Variants in PXDNL observed in about 807,000 individuals in gnomAD.
PXDNL encodes probable oxidoreductase PXDNL.
Under a neutral mutation model 150.8 loss-of-function variants are expected in PXDNL, and 145 were observed. The observed-to-expected ratio is 0.96, with a 90% CI of 0.84 to 1.10. The LOEUF is 1.10. Ranked by LOEUF, PXDNL falls within the 50% of genes least tolerant of loss-of-function variation. PXDNL has a pLI of 0.00. For synonymous variants in PXDNL, 757 were observed against 725.7 expected, an observed-to-expected ratio of 1.04 and a Z score of -0.69; for missense variants, 2,087 against 1,873.9, an observed-to-expected ratio of 1.11 and a Z score of -2.10.
intron 19 of PXDNL, among the ~76,000 whole-genome samples, chr8:51,360,106 A>T (rs1806671523): frequency 6.6e-6 from 1 of 150,910 alleles, no homozygotes; most frequent in South Asian, 2.1e-4. Flanking sequence ...ATATGCACAC[A>T]CCTATACATG....
At chr8:51,658,187 C>T (rs888266391) in intron 1 of PXDNL, among the ~76,000 whole-genome samples, 2 of 151,552 alleles carry the variant, frequency 1.3e-5, no homozygotes, top group Non-Finnish European at 2.9e-5. Flanking sequence ...ACAAAAAATA[C>T]AAAAATTAGC....
chr8:51,330,804 C>T (rs1419147741), intron 21 of PXDNL, among the ~76,000 whole-genome samples: 1 of 152,134 alleles, frequency 6.6e-6, no homozygotes, highest in African/African-American at 2.4e-5. Context: ...AGTCTTAATC[C>T]ATTCCAAGCC....
At chr8:51,524,957 C>T (rs574536718) in intron 4 of PXDNL, among the ~76,000 whole-genome samples, 37 of 152,352 alleles carry the variant, frequency 2.4e-4, no homozygotes, top group Non-Finnish European at 4.4e-4. Flanking sequence ...AAACTGTTGA[C>T]TCATACACCC....
At chr8:51,781,315 T>C (rs1248358068) in intron 1 of PXDNL, among the ~76,000 whole-genome samples, 2 of 150,480 alleles carry the variant, frequency 1.3e-5, no homozygotes, top group African/African-American at 4.9e-5. Context: ...TTGGCGCACA[T>C]GCATGCATGT....
intron 21 of PXDNL, among the ~76,000 whole-genome samples, chr8:51,324,442 T>C (rs1006988779): frequency 6.6e-6 from 1 of 152,242 alleles, no homozygotes; most frequent in Non-Finnish European, 1.5e-5. Context: ...TTTGCTGCTT[T>C]CAAAATGTTT....
chr8:51,632,008 T>C (rs537020094), intron 2 of PXDNL, among the ~76,000 whole-genome samples: 1 of 152,266 alleles, frequency 6.6e-6, no homozygotes, highest in South Asian at 2.1e-4. Context: ...CCAGTAATTA[T>C]TTTTAATATA....
At chr8:51,451,055 G>T (rs76000226) in intron 10 of PXDNL, among the ~76,000 whole-genome samples, 7 of 151,826 alleles carry the variant, frequency 4.6e-5, no homozygotes, top group Non-Finnish European at 1.0e-4. Context: ...ATGTAGTCCT[G>T]GTTCTAGTGT....
intron 17 of PXDNL, among the ~76,000 whole-genome samples, chr8:51,399,283 AGAGT>A (rs1808176945): frequency 6.6e-6 from 1 of 152,216 alleles, no homozygotes; most frequent in East Asian, 1.9e-4. Flanking sequence ...CGTGCATGTA[AGAGT>A]TCATCGCAGT....
At chr8:51,675,040 T>C (rs1815582622) in intron 1 of PXDNL, among the ~76,000 whole-genome samples, 1 of 152,206 alleles carries the variant, frequency 6.6e-6, no homozygotes, top group South Asian at 2.1e-4. Flanking sequence ...TTACCTGCCA[T>C]TTATTCTATG....
chr8:51,616,001 C>G (rs1417063792), intron 2 of PXDNL, among the ~76,000 whole-genome samples: 2 of 152,122 alleles, frequency 1.3e-5, no homozygotes, highest in Admixed American at 1.3e-4. Context: ...CCAGTGACTG[C>G]CTTTCTCTAT....
At chr8:51,761,665 A>G (rs2037167939) in intron 1 of PXDNL, among the ~76,000 whole-genome samples, 1 of 152,212 alleles carries the variant, frequency 6.6e-6, no homozygotes, top group South Asian at 2.1e-4. Flanking sequence ...TTCAAAATGT[A>G]CTTCCACCTG....
At chr8:51,367,867 C>A (rs1020206322) in intron 19 of PXDNL, among the ~76,000 whole-genome samples, 13 of 152,184 alleles carry the variant, frequency 8.5e-5, no homozygotes, top group Admixed American at 1.3e-4. Flanking sequence ...GTGGCTCATG[C>A]CTGTAATCCC....
chr8:51,556,868 A>T lies in PXDNL; in HGVS notation c.352T>A (p.Phe118Ile), dbSNP rs377748931. ...TGTTCCAAAGATATGAGTCCTTTAA[A>T]TGTTTGCTTATCTAGTGCATGGATT... Reference protein sequence around the residue: ...NEIHALDKQTFKGLISLEHLY... With the variant: ...NEIHALDKQTIKGLISLEHLY... Residue 118 changes from phenylalanine (F) to isoleucine (I), a missense_variant, in exon 4 of 23, where the codon TTT (phenylalanine) becomes ATT (isoleucine). By Grantham distance (21) the Phe-to-Ile change is conservative. Transcript: ENST00000356297. The T allele has an allele frequency of 8.7e-5, 138 of 1,582,678 alleles. 1 individual carries two copies. The highest frequency in any genetic ancestry group is 1.2e-4 in the Admixed American group (7 of 59,744).
chr8:51,714,476 T>C (rs2130905024), intron 1 of PXDNL, among the ~76,000 whole-genome samples: 1 of 152,314 alleles, frequency 6.6e-6, no homozygotes, highest in Admixed American at 6.5e-5. Flanking sequence ...ATTTATTTTC[T>C]TTTTTTAATG....
intron 12 of PXDNL, chr8:51,436,579 C>G (rs1248114324): frequency 4.7e-6 from 1 of 210,826 alleles, no homozygotes; most frequent in Non-Finnish European, 9.8e-6. Flanking sequence ...CATGCAAATA[C>G]ATGGAAATTA....
At chr8:51,492,510 G>T (rs571909283) in intron 5 of PXDNL, among the ~76,000 whole-genome samples, 1 of 152,164 alleles carries the variant, frequency 6.6e-6, no homozygotes, top group East Asian at 1.9e-4. Flanking sequence ...AAGCTCAAGG[G>T]GTCAGGGAAT....
chr8:51,609,377 A>G (rs888609798), intron 2 of PXDNL, among the ~76,000 whole-genome samples: 1 of 152,150 alleles, frequency 6.6e-6, no homozygotes, highest in Admixed American at 6.5e-5. Flanking sequence ...GAAATATGGG[A>G]TTGTCCTTGG....
intron 1 of PXDNL, among the ~76,000 whole-genome samples, chr8:51,656,940 G>C (rs898157284): frequency 6.6e-6 from 1 of 152,240 alleles, no homozygotes; most frequent in South Asian, 2.1e-4. Context: ...TATATATGTG[G>C]ATAAATATAA....
At chr8:51,346,762 T>C (rs1298280862) in intron 19 of PXDNL, among the ~76,000 whole-genome samples, 1 of 152,180 alleles carries the variant, frequency 6.6e-6, no homozygotes, top group African/African-American at 2.4e-5. Context: ...TGCTCCCTTT[T>C]GCCTTGGCCA....
Sources: gnomAD v4.1 joint callset for allele counts (sites outside exome capture counted in the v4.1 genomes callset) on GRCh38, gnomAD v4.1.1 for gene constraint, MANE v1.5 for transcripts, NCBI Gene and HGNC (gene_info 2026-07-23, HGNC 2026-07-21) for gene names.